The following TDG variants were observed in gnomAD, a reference collection of about 807,000 sequenced individuals.
The protein encoded by TDG is thymine DNA glycosylase.
Under a neutral mutation model 46.1 loss-of-function variants are expected in TDG, and 23 were observed. The observed-to-expected ratio is 0.50, with a 90% CI of 0.36 to 0.71. The LOEUF (loss-of-function observed/expected upper bound fraction) is 0.71, where lower values mean the gene tolerates loss of function less well. TDG is among the 30% of genes least tolerant of loss of function. TDG has a pLI of 0.00. For synonymous variants in TDG, 115 were observed against 161.3 expected, an observed-to-expected ratio of 0.71 and a Z score of 2.18; for missense variants, 304 against 486.7, an observed-to-expected ratio of 0.62 and a Z score of 3.53.
rs748978586 is a variant in TDG, at chr12:103,985,708, G to A, written c.1070G>A (p.Gly357Asp). ...AATCCATGCAGCAGTGAACCTTGTG[G>A]CTTCTCTTCAAATGGGCTAAGTATG... ...GENPCSSEPC[G>D]FSSNGLIESV... The change falls in exon 9 of 10, where the codon GGC becomes GAC. Residue 357 changes from glycine (G) to aspartate (D), a missense_variant. Transcript: ENST00000392872. 6.2e-7 allele frequency: 1 copy of A among 1,613,862 alleles called. No individual in the cohort carries two copies.
rs144717913 is a variant in TDG at position 103,976,408 on chromosome 12, C to CCACACACACACACACA, written c.24-497_24-482dup. On this transcript the variant is annotated intron_variant, in intron 1 of 9. Transcript: ENST00000392872. ...GGTGACAGAGGGAGACCCTGTCTCCCCACACACACACACACACACACACAC... is the reference window on the plus strand; with the variant it reads ...GGTGACAGAGGGAGACCCTGTCTCCCCACACACACACACACACACACACACACACACACACACACAC... 8.8e-4 allele frequency among the ~76,000 whole-genome samples: 130 copies of CCACACACACACACACA among 147,536 alleles called. 2 individuals are homozygous for CCACACACACACACACA. Among genetic ancestry groups the CCACACACACACACACA allele is most frequent in the East Asian group, 5.4e-3 (27 of 4,978 alleles).
At chr12:103,980,126 A>G (rs751583026) in intron 3 of TDG, 54 bp downstream of exon 3, 2 of 1,601,508 alleles carry the variant, frequency 1.2e-6, no homozygotes, top group Admixed American at 1.8e-5. Context: ...GATCAGCTTT[A>G]CTTAACAGTT....
At chr12:103,977,160 A>C (rs1652015237) in intron 2 of TDG, 100 bp downstream of exon 2, 1 of 1,494,060 alleles carries the variant, frequency 6.7e-7, no homozygotes, top group Admixed American at 2.4e-5. Flanking sequence ...TAGTGTTAAA[A>C]AGTCAAATCC....
Position 103,986,975 on chromosome 12 carries a change from C to G in TDG, c.1118C>G (p.Ser373Ter). 6.2e-7 allele frequency: 1 copy of G among 1,614,244 alleles called. No individual in the cohort carries two copies. The highest frequency in any genetic ancestry group is 8.5e-7 in the Non-Finnish European group (1 of 1,180,044). Residue 373 changes from serine to a stop codon, truncating the protein, a stop_gained, in exon 10 of 10, where the codon TCA (serine) becomes TGA (stop). Coordinates refer to ENST00000392872, the MANE Select transcript of TDG (RefSeq NM_003211.6). LOFTEE classifies it high-confidence loss of function. ...LIESVELRGE[S>*]AFSGIPNGQW... ...GAGAGCGTGGAGTTAAGAGGAGAAT[C>G]AGCTTTCAGTGGCATTCCTAATGGG...
intron 2 of TDG, among the ~76,000 whole-genome samples, chr12:103,977,669 G>A (rs1424577441): frequency 2.0e-5 from 3 of 152,222 alleles, no homozygotes; most frequent in African/African-American, 4.8e-5. Context: ...ATAGGGAGCT[G>A]TTGAGAGAAT....
At position 103,979,915 on chromosome 12, in the gene TDG, A is replaced by C. The variant is rs781440129; in HGVS notation, c.251A>C (p.Lys84Thr). 1 of 1,611,422 alleles carries C rather than the reference A, an allele frequency of 6.2e-7. No individual in the cohort carries two copies. The highest frequency in any genetic ancestry group is 8.5e-7 in the Non-Finnish European group (1 of 1,179,664). ...CCCAAAAAACCTGTTGAGTCAAAAA[A>C]ATCTGGCAAGTCTGCAAAATCAAAA... ...VEPKKPVESK[K>T]SGKSAKSKEK... Residue 84 changes from lysine (K) to threonine (T), a missense_variant, in exon 3 of 10, where the codon AAA becomes ACA. Physicochemically the swap from Lys to Thr is moderately conservative, Grantham distance 78. Coordinates refer to ENST00000392872, the MANE Select transcript of TDG (RefSeq NM_003211.6).
intron 1 of TDG, among the ~76,000 whole-genome samples, chr12:103,974,842 G>A (rs1450924561): frequency 6.6e-6 from 1 of 151,790 alleles, no homozygotes; most frequent in East Asian, 1.9e-4. Context: ...GTGTGGTGGT[G>A]GGGGCGCCTG....
At chr12:103,980,840 A>G in intron 3 of TDG, 53 bp from the exon 4 acceptor site, 1 of 1,546,392 alleles carries the variant, frequency 6.5e-7, no homozygotes, top group Non-Finnish European at 8.8e-7. Context: ...TAGAAACGCT[A>G]AGGCTTAGGT....
intron 1 of TDG, 24 bp downstream of exon 1, chr12:103,966,084 C>T (rs2136229324): frequency 6.4e-7 from 1 of 1,558,542 alleles, no homozygotes; most frequent in Non-Finnish European, 8.7e-7. Context: ...CAGCGCCGCC[C>T]CTCCCTTGCG....
In TDG at chr12:103,988,220, T is replaced by C. The variant is rs1436950503; in HGVS notation, c.*1130T>C. ...TAAAGCTGGGTACTAAGAAATGTTA[T>C]TTGCATCCTCTCAGTTACTCCTGAA... On this transcript the variant is annotated 3_prime_UTR_variant, in exon 10 of 10. Transcript: ENST00000392872. 6.6e-6 allele frequency: 1 copy of C among 152,280 alleles called. No individual in the cohort carries two copies. Among genetic ancestry groups the C allele is most frequent in the Non-Finnish European group, 1.5e-5 (1 of 68,000 alleles). The allele number at this position is 152,280 out of a possible 1,614,324, so 9.4% of individuals were successfully genotyped here. A position where few individuals can be genotyped will look rare whatever the true frequency, so the allele number is the denominator to read the frequency against.
chr12:103,977,962 G>A (rs1423118890), intron 2 of TDG, among the ~76,000 whole-genome samples: 13 of 152,120 alleles, frequency 8.5e-5, no homozygotes, highest in Admixed American at 7.9e-4. Flanking sequence ...GCTGAGGCAC[G>A]AGAATTGCTT....
chr12:103,978,059 T>TCAAAAACAAAAA (rs4015355), intron 2 of TDG, among the ~76,000 whole-genome samples: 3 of 151,056 alleles, frequency 2.0e-5, no homozygotes, highest in South Asian at 4.2e-4. Context: ...AGACTCTGTC[T>TCAAAAACAAAAA]CAAAAACAAA....
chr12:103,982,236 T>C (rs1402339544), intron 4 of TDG, among the ~76,000 whole-genome samples: 2 of 152,226 alleles, frequency 1.3e-5, no homozygotes, highest in Non-Finnish European at 2.9e-5. Context: ...ATATTGTCCC[T>C]ATTATTTTAA....
intron 3 of TDG, chr12:103,980,637 C>T (rs76229841): frequency 9.7e-4 from 337 of 349,090 alleles, no homozygotes; most frequent in African/African-American, 5.7e-3. Context: ...GGTGAGGGTG[C>T]GAGGCCTGGG....
intron 1 of TDG, among the ~76,000 whole-genome samples, chr12:103,966,665 CAA>C (rs77588178): frequency 0.76 from 115,557 of 151,842 alleles, 44,232 homozygotes; most frequent in East Asian, 1. Context: ...TTGGGGGAGT[CAA>C]GAGAAAAATT....
At chr12:103,966,122 C>CTG in intron 1 of TDG, 62 bp downstream of exon 1, 1 of 1,285,978 alleles carries the variant, frequency 7.8e-7, no homozygotes. Context: ...GGCTGGCTGG[C>CTG]GCGCGCGCGC....
intron 1 of TDG, among the ~76,000 whole-genome samples, chr12:103,976,243 A>G (rs1475296584): frequency 1.3e-5 from 2 of 152,242 alleles, no homozygotes; most frequent in Middle Eastern, 3.4e-3. Flanking sequence ...TGTCTAGACA[A>G]AAATTACAAA....
At chr12:103,973,069 A>T (rs1314389401) in intron 1 of TDG, 1 of 687,766 alleles carries the variant, frequency 1.5e-6, no homozygotes. Flanking sequence ...GTGACAGAGT[A>T]AAAACACGTT....
Position 103,985,625 on chromosome 12 carries a change from T to C in TDG, c.987T>C (p.Val329=). ...CAGAGGATGCAAAGAAGATGGCTGTTAAGGAAGAAAAATATGATCCAGGTT... is the reference window on the plus strand; with the variant it reads ...CAGAGGATGCAAAGAAGATGGCTGTCAAGGAAGAAAAATATGATCCAGGTT... ...LAQEDAKKMA[V]KEEKYDPGYE... is the part of the protein sequence containing the mutation. Residue 329 remains valine (V), a synonymous_variant, in exon 9 of 10, where the codon GTT becomes GTC. Transcript: ENST00000392872. 6.2e-7 allele frequency: 1 copy of C among 1,614,058 alleles called. No individual in the cohort carries two copies. The highest frequency in any genetic ancestry group is 8.5e-7 in the Non-Finnish European group (1 of 1,179,910).
Sources: allele counts gnomAD v4.1 joint callset (sites outside exome capture counted in the v4.1 genomes callset), GRCh38; gene constraint gnomAD v4.1.1; transcripts MANE v1.5; gene names NCBI Gene and HGNC (gene_info 2026-07-23, HGNC 2026-07-21).